HPD: variants seen among roughly 807,000 people sequenced by gnomAD.
The protein encoded by HPD is 4-hydroxyphenylpyruvic acid oxidase.
A neutral mutation model predicts 56.9 loss-of-function variants in HPD; 35 were observed. The observed-to-expected ratio is 0.62, with a 90% CI of 0.47 to 0.82. HPD has a LOEUF of 0.82. HPD is among the 40% of genes least tolerant of loss of function. The probability of loss-of-function intolerance (pLI) is 0.00; values close to 1 mark genes in which losing one functional copy is unlikely to be tolerated. For missense variants in HPD, 442 were observed against 506.8 expected (o/e 0.87, Z 1.23); for synonymous variants, 186 against 200.2 (o/e 0.93, Z 0.60).
the HPD span, among the ~76,000 whole-genome samples, chr12:121,883,449 G>A: frequency 8.5e-5 from 13 of 152,052 alleles, no homozygotes; most frequent in South Asian, 2.7e-3. Flanking sequence ...GGTAGGAGTA[G>A]AGGTGGAGGA....
intron 11 of HPD, among the ~76,000 whole-genome samples, chr12:121,844,798 G>A (rs528484028): frequency 6.0e-5 from 9 of 151,038 alleles, no homozygotes; most frequent in Non-Finnish European, 1.3e-4. Context: ...GGAGAATGGC[G>A]TAAACCCGGG....
At chr12:121,862,298 C>CTT (rs1208844264), upstream of HPD, among the ~76,000 whole-genome samples, 7 of 140,358 alleles carry the variant, frequency 5.0e-5, no homozygotes, top group Admixed American at 7.3e-5. Context: ...CTCTGCATTT[C>CTT]TTTTTTTTTT....
Position 121,856,374 on chromosome 12 carries a change from C to G in HPD, c.274G>C (p.Gly92Arg). The change falls in exon 6 of 14, where the codon GGA (glycine) becomes CGA (arginine). Residue 92 changes from glycine to arginine, a missense_variant. Physicochemically the swap from Gly to Arg is moderately radical, Grantham distance 125. Coordinates refer to ENST00000289004, the MANE Select transcript of HPD (RefSeq NM_002150.3). ...MGDHLVKHGDGVKDIAFEVED... is the reference protein window; with the variant it reads ...MGDHLVKHGDRVKDIAFEVED... Reference sequence around the variant, plus strand: ...ACCTCGAACGCAATGTCCTTCACTCCGTCACCGTGTTTCACCAGGTGATCG... The same window carrying G: ...ACCTCGAACGCAATGTCCTTCACTCGGTCACCGTGTTTCACCAGGTGATCG... The G allele has an allele frequency of 1.2e-6, 2 of 1,614,116 alleles. No homozygotes were observed. Among genetic ancestry groups the G allele is most frequent in the South Asian group, 2.2e-5 (2 of 91,074 alleles).
chr12:121,886,400 G>A, the HPD span, among the ~76,000 whole-genome samples: 39 of 145,578 alleles, frequency 2.7e-4, no homozygotes, highest in South Asian at 2.2e-3. Flanking sequence ...GAGCCACCGC[G>A]CCTGGCCTAG....
the HPD span, among the ~76,000 whole-genome samples, chr12:121,874,741 C>T: frequency 6.6e-6 from 1 of 151,612 alleles, no homozygotes; most frequent in Non-Finnish European, 1.5e-5. Context: ...ACACCTGAAA[C>T]ATCTGAACTT....
chr12:121,865,994 A>G (rs2137644962), upstream of HPD, among the ~76,000 whole-genome samples: 1 of 151,438 alleles, frequency 6.6e-6, no homozygotes, highest in Non-Finnish European at 1.5e-5. Flanking sequence ...TTTTTAAAAA[A>G]CAAAGCAAAA....
At chr12:121,886,158 G>A in the HPD span, among the ~76,000 whole-genome samples, 1 of 148,576 alleles carries the variant, frequency 6.7e-6, no homozygotes, top group African/African-American at 2.5e-5. Context: ...GCCCGGGCTG[G>A]AGTGCAGTGG....
upstream of HPD, among the ~76,000 whole-genome samples, chr12:121,863,381 A>G (rs538456533): frequency 6.6e-6 from 1 of 152,326 alleles, no homozygotes; most frequent in South Asian, 2.1e-4. Flanking sequence ...TGATCCTTCC[A>G]CGCACTCCTT....
upstream of HPD, among the ~76,000 whole-genome samples, chr12:121,865,569 A>T (rs1878304639): frequency 6.7e-6 from 1 of 149,422 alleles, no homozygotes; most frequent in Non-Finnish European, 1.5e-5. Flanking sequence ...GTGCCCAGCC[A>T]CGACACTCTC....
upstream of HPD, among the ~76,000 whole-genome samples, chr12:121,865,259 C>G (rs112933010): frequency 1.1e-4 from 11 of 100,022 alleles, no homozygotes; most frequent in South Asian, 6.8e-4. Context: ...CACAGCGACA[C>G]TCTCTTTCTT....
upstream of HPD, among the ~76,000 whole-genome samples, chr12:121,865,570 C>T (rs1474839402): frequency 3.5e-5 from 5 of 143,512 alleles, no homozygotes; most frequent in Admixed American, 7.1e-5. Flanking sequence ...TGCCCAGCCA[C>T]GACACTCTCT....
chr12:121,887,408 C>T, the HPD span, among the ~76,000 whole-genome samples: 1 of 151,908 alleles, frequency 6.6e-6, no homozygotes. Context: ...TTGAGGGGTG[C>T]GGTAGCTCAC....
At chr12:121,845,499 G>A (rs959460505) in intron 11 of HPD, among the ~76,000 whole-genome samples, 5 of 150,790 alleles carry the variant, frequency 3.3e-5, no homozygotes, top group African/African-American at 1.2e-4. Context: ...TACTTGGGAG[G>A]CTGAGGCAGG....
chr12:121,854,706 C>G lies in HPD; in HGVS notation c.411G>C (p.Gln137His). The part of the protein sequence containing the change: ...KFGKVKFAVL[Q>H]TYGDTTHTLV... Reference sequence around the variant, plus strand: ...GGGGGCACCAAAGGGAACTCACCGTCTGCAGCACAGCAAACTTCACCTTCC... The same window carrying G: ...GGGGGCACCAAAGGGAACTCACCGTGTGCAGCACAGCAAACTTCACCTTCC... The change falls in exon 7 of 14, where the codon CAG becomes CAC. Residue 137 changes from glutamine (Q) to histidine (H), a missense_variant. Transcript: ENST00000289004. 2.5e-6 allele frequency: 4 copies of G among 1,612,442 alleles called. No individual in the cohort carries two copies. Among genetic ancestry groups the G allele is most frequent in the Non-Finnish European group, 3.4e-6 (4 of 1,178,426 alleles).
intron 12 of HPD, among the ~76,000 whole-genome samples, chr12:121,843,455 C>T (rs1379827579): frequency 2.6e-5 from 4 of 152,208 alleles, no homozygotes; most frequent in Non-Finnish European, 5.9e-5. Flanking sequence ...TCAGAGAGGC[C>T]CTCCCTGACC....
chr12:121,856,668 G>A (rs746510616), intron 4 of HPD, 43 bp from the exon 5 acceptor site: 3 of 1,585,456 alleles, frequency 1.9e-6, no homozygotes, highest in East Asian at 4.5e-5. Flanking sequence ...GGCTCAGGGG[G>A]GCATGGGGAG....
At chr12:121,878,828 C>A in the HPD span, among the ~76,000 whole-genome samples, 37,466 of 151,662 alleles carry the variant, frequency 0.25, 5,947 homozygotes, top group Middle Eastern at 0.38. Context: ...CATGTGCTAC[C>A]ACACCAGGCT....
Position 121,856,416 on chromosome 12 carries a change from G to T in HPD, c.242-10C>A, listed in dbSNP as rs1592923207. 6.2e-7 allele frequency: 1 copy of T among 1,613,430 alleles called. No individual in the cohort carries two copies. ...AGGTGATCGCCCATCTCTGTGGCCG[G>T]CAGGGAGAGGATGGCACTGGAGTCT... On this transcript the variant is annotated splice_polypyrimidine_tract_variant and intron_variant, in intron 5 of 13. Transcript: ENST00000289004.
upstream of HPD, among the ~76,000 whole-genome samples, chr12:121,860,431 C>T (rs1878144446): frequency 2.0e-5 from 3 of 152,200 alleles, no homozygotes; most frequent in African/African-American, 7.2e-5. Flanking sequence ...GGCTGGCAGG[C>T]ATCTAGAGGT....
Sources: gnomAD v4.1 joint callset for allele counts (sites outside exome capture counted in the v4.1 genomes callset) on GRCh38, gnomAD v4.1.1 for gene constraint, MANE v1.5 for transcripts, NCBI Gene and HGNC (gene_info 2026-07-23, HGNC 2026-07-21) for gene names.